The following DENND4A variants were observed in gnomAD, a reference collection of about 807,000 sequenced individuals.
DENND4A encodes the protein DENN domain containing 4A, also known as C-myc promoter-binding protein.
DENND4A carries 70 observed loss-of-function variants against 199.3 expected under a neutral mutation model. That is an observed-to-expected ratio of 0.35 (90% CI 0.29 to 0.43). The LOEUF (loss-of-function observed/expected upper bound fraction) is 0.43. DENND4A is among the 20% of genes least tolerant of loss of function. DENND4A has a pLI of 1.00. For missense variants in DENND4A, 1,723 were observed against 2,255.8 expected, an observed-to-expected ratio of 0.76 and a Z score of 4.78; for synonymous variants, 686 against 766.9, an observed-to-expected ratio of 0.89 and a Z score of 1.74.
intron 1 of DENND4A, among the ~76,000 whole-genome samples, chr15:65,763,801 G>A (rs1038151549): frequency 2.6e-5 from 4 of 151,812 alleles, no homozygotes; most frequent in Non-Finnish European, 4.4e-5. Flanking sequence ...TGTCAGGATA[G>A]ATATATGTAT....
intron 13 of DENND4A, among the ~76,000 whole-genome samples, chr15:65,717,184 C>A (rs2075434243): frequency 6.6e-6 from 1 of 151,830 alleles, no homozygotes; most frequent in African/African-American, 2.4e-5. Context: ...CTTTTGCATA[C>A]CACTATATAT....
intron 11 of DENND4A, among the ~76,000 whole-genome samples, chr15:65,724,656 C>A (rs779477126): frequency 6.6e-6 from 1 of 152,048 alleles, no homozygotes; most frequent in Non-Finnish European, 1.5e-5. Flanking sequence ...GAATTTGTCC[C>A]CTCTATCTTT....
chr15:65,742,777 ATTTG>A (rs941685878), intron 4 of DENND4A, among the ~76,000 whole-genome samples: 3 of 152,026 alleles, frequency 2.0e-5, no homozygotes, highest in Admixed American at 1.3e-4. Flanking sequence ...TACATGCTAT[ATTTG>A]TTTGTTTATT....
At chr15:65,662,219 C>G (rs1205764581) in intron 32 of DENND4A, among the ~76,000 whole-genome samples, 1 of 152,128 alleles carries the variant, frequency 6.6e-6, no homozygotes, top group East Asian at 1.9e-4. Context: ...CCACCAAATA[C>G]CACACACACT....
chr15:65,788,943 C>T (rs1226795059), intron 1 of DENND4A, among the ~76,000 whole-genome samples: 1 of 151,452 alleles, frequency 6.6e-6, no homozygotes, highest in Non-Finnish European at 1.5e-5. Flanking sequence ...AATCCGATCA[C>T]CCAGGGATAA....
chr15:65,737,006 G>GA (rs914918289), intron 7 of DENND4A, among the ~76,000 whole-genome samples: 19 of 151,126 alleles, frequency 1.3e-4, no homozygotes, highest in East Asian at 1.9e-4. Context: ...ATTGCCAAAG[G>GA]AAAAAAAATG....
chr15:65,773,964 A>C (rs529327849), intron 1 of DENND4A, among the ~76,000 whole-genome samples: 4 of 152,342 alleles, frequency 2.6e-5, no homozygotes, highest in South Asian at 4.1e-4. Flanking sequence ...GTGTTAATCA[A>C]CTGTCATCAG....
intron 23 of DENND4A, among the ~76,000 whole-genome samples, chr15:65,677,221 T>A (rs1250452305): frequency 2.0e-5 from 3 of 151,874 alleles, no homozygotes; most frequent in South Asian, 2.1e-4. Context: ...AGGGCAAAAA[T>A]TTTTTTTTGA....
rs750828717 is a variant in DENND4A at position 65,701,807 on chromosome 15, T to A, written c.2514A>T (p.Lys838Asn). The change falls in exon 18 of 33, where the codon AAA becomes AAT. Residue 838 changes from lysine (K) to asparagine (N), a missense_variant. Lys to Asn is a moderately conservative substitution (Grantham distance 94). Around this residue, in one of 6 missense-constraint regions of DENND4A, gnomAD observed 36 missense variants for 85.7 expected, o/e 0.42. Coordinates refer to ENST00000443035, the MANE Select transcript of DENND4A (RefSeq NM_001320835.1). Reference sequence around the variant, plus strand: ...TAATGGCATTGGGGTCAATACCAGCTTTCTGCATTTCAAAAAGCACTCGAA... The same window carrying A: ...TAATGGCATTGGGGTCAATACCAGCATTCTGCATTTCAAAAAGCACTCGAA... ...LAVRVLFEMQ[K>N]AGIDPNAITY... The A allele has an allele frequency of 6.2e-7, 1 of 1,613,900 alleles. No individual in the cohort carries two copies. The highest frequency in any genetic ancestry group is 1.7e-5 in the Admixed American group (1 of 60,024).
intron 14 of DENND4A, among the ~76,000 whole-genome samples, chr15:65,711,233 G>A (rs1005288343): frequency 1.3e-5 from 2 of 152,112 alleles, no homozygotes; most frequent in African/African-American, 4.8e-5. Flanking sequence ...CCACGAGCAG[G>A]GGCCACTCCT....
chr15:65,764,679 A>G (rs936625935), intron 1 of DENND4A, among the ~76,000 whole-genome samples: 2 of 152,046 alleles, frequency 1.3e-5, no homozygotes, highest in Non-Finnish European at 2.9e-5. Context: ...GAAATTAAAA[A>G]AAAATAACAA....
intron 23 of DENND4A, among the ~76,000 whole-genome samples, chr15:65,686,238 T>C (rs2076775723): frequency 1.3e-5 from 2 of 152,238 alleles, no homozygotes; most frequent in Non-Finnish European, 2.9e-5. Context: ...GTACTTTGAT[T>C]TGGATCCTTT....
chr15:65,749,465 G>A (rs1345438584), intron 4 of DENND4A, among the ~76,000 whole-genome samples: 1 of 152,152 alleles, frequency 6.6e-6, no homozygotes, highest in East Asian at 1.9e-4. Flanking sequence ...TTGTTTTATA[G>A]AAGATTTAGT....
intron 22 of DENND4A, among the ~76,000 whole-genome samples, chr15:65,692,073 G>C (rs1308424302): frequency 6.7e-6 from 1 of 150,266 alleles, no homozygotes; most frequent in African/African-American, 2.4e-5. Flanking sequence ...AAAGTGCTAG[G>C]ATTATAGGCT....
chr15:65,778,498 G>C (rs1298008536), intron 1 of DENND4A, among the ~76,000 whole-genome samples: 1 of 147,580 alleles, frequency 6.8e-6, no homozygotes, highest in Non-Finnish European at 1.5e-5. Context: ...AGTCATTACA[G>C]CTATACCTCA....
At chr15:65,677,923 ATCTCTTTTT>A (rs2076437922) in intron 23 of DENND4A, among the ~76,000 whole-genome samples, 1 of 107,350 alleles carries the variant, frequency 9.3e-6, no homozygotes, top group Non-Finnish European at 2.0e-5. Flanking sequence ...GCAGCCTCTT[ATCTCTTTTT>A]TTTTTTTTTT....
Position 65,729,482 on chromosome 15 carries a change from A to C in DENND4A, c.1311+52T>G, listed in dbSNP as rs145058195. 9.7e-3 allele frequency: 15,010 copies of C among 1,544,518 alleles called. 99 individuals carry two copies. Among genetic ancestry groups the C allele is most frequent in the Non-Finnish European group, 0.012 (13,419 of 1,146,458 alleles). On this transcript the variant is annotated intron_variant, in intron 10 of 32. Transcript: ENST00000443035. ...ATTAAAATGGCTTTAAGTTATATAA[A>C]TAAACTAAGTTTAAACTAAATTGAC...
intron 1 of DENND4A, among the ~76,000 whole-genome samples, chr15:65,781,014 T>C (rs775150682): frequency 6.6e-6 from 1 of 152,178 alleles, no homozygotes; most frequent in Non-Finnish European, 1.5e-5. Flanking sequence ...GGCAAGAGTA[T>C]GGATCTGAGA....
chr15:65,755,096 T>C (rs2076666030), intron 3 of DENND4A, among the ~76,000 whole-genome samples: 1 of 152,220 alleles, frequency 6.6e-6, no homozygotes. Flanking sequence ...CGACACATAC[T>C]ATAACATGGA....
Sources: gnomAD v4.1 joint callset for allele counts (sites outside exome capture counted in the v4.1 genomes callset) on GRCh38, gnomAD v4.1.1 for gene constraint, gnomAD v4.1.1 regional missense constraint, MANE v1.5 for transcripts, NCBI Gene and HGNC (gene_info 2026-07-23, HGNC 2026-07-21) for gene names.